Variants in AFF3 observed in about 807,000 individuals in gnomAD.
AFF3 encodes the protein AF4/FMR2 family member 3.
AFF3 carries 32 observed loss-of-function variants against 129.7 expected under a neutral mutation model. That is an observed-to-expected ratio of 0.25 (90% CI 0.19 to 0.33). The LOEUF (loss-of-function observed/expected upper bound fraction) is 0.33, where lower values mean the gene tolerates loss of function less well. AFF3 is among the 10% of genes least tolerant of loss of function. The pLI, the probability that AFF3 is intolerant of heterozygous loss-of-function variation, is 1.00. For missense variants in AFF3, 1,373 were observed against 1,592.0 expected, an observed-to-expected ratio of 0.86 and a Z score of 2.34; for synonymous variants, 644 against 635.4, an observed-to-expected ratio of 1.01 and a Z score of -0.20.
At chr2:99,603,647 A>G (rs1468198477) in intron 13 of AFF3, among the ~76,000 whole-genome samples, 1 of 152,252 alleles carries the variant, frequency 6.6e-6, no homozygotes, top group African/African-American at 2.4e-5. Flanking sequence ...TAATTAAGCT[A>G]AAGAGCTTCT....
chr2:100,136,883 C>T (rs185706975), intron 1 of AFF3, among the ~76,000 whole-genome samples: 36 of 152,176 alleles, frequency 2.4e-4, no homozygotes, highest in African/African-American at 7.5e-4. Flanking sequence ...TGTTTTACAT[C>T]GCTAAGTAGA....
At chr2:99,854,473 A>G (rs1690378807) in intron 7 of AFF3, among the ~76,000 whole-genome samples, 1 of 152,228 alleles carries the variant, frequency 6.6e-6, no homozygotes, top group Admixed American at 6.5e-5. Flanking sequence ...AGTTATAAAT[A>G]AAACAAAGCA....
rs1244501808 is a variant in AFF3, at chr2:100,064,109, AG to A, written c.53+40292del. ...CGTCTCAAAAAAAAAAGAAAAGAAAAGAAAAGAAAAGAAAAGAAAAGAAATT... is the reference window on the plus strand; with the variant it reads ...CGTCTCAAAAAAAAAAGAAAAGAAAAAAAAGAAAAGAAAAGAAAAGAAATT... On this transcript the variant is annotated intron_variant, in intron 4 of 24. Transcript: ENST00000672756. 9.0e-5 allele frequency among the ~76,000 whole-genome samples: 9 copies of A among 100,006 alleles called. No homozygotes were observed. The South Asian group carries it at 3.1e-3, about 34-fold the overall frequency. The allele number at this position is 100,006 out of a possible 152,430, so 65.6% of individuals were successfully genotyped here. A position where few individuals can be genotyped will look rare whatever the true frequency, so the allele number is the denominator to read the frequency against.
chr2:99,645,988 A>G (rs1007179339), intron 13 of AFF3, among the ~76,000 whole-genome samples: 3 of 152,112 alleles, frequency 2.0e-5, no homozygotes, highest in Non-Finnish European at 4.4e-5. Flanking sequence ...GGGAAAGGGA[A>G]ACACACCCCT....
At chr2:99,694,691 A>C (rs1575716892) in intron 11 of AFF3, among the ~76,000 whole-genome samples, 2 of 152,154 alleles carry the variant, frequency 1.3e-5, no homozygotes, top group East Asian at 1.9e-4. Context: ...AAACAAAAAC[A>C]AAAACCCAAC....
At chr2:99,701,667 A>G (rs1676877100) in intron 11 of AFF3, among the ~76,000 whole-genome samples, 1 of 152,254 alleles carries the variant, frequency 6.6e-6, no homozygotes, top group Non-Finnish European at 1.5e-5. Flanking sequence ...TCAGATTTCA[A>G]CAGTTATGCA....
At chr2:99,858,503 A>G (rs1400248279) in intron 7 of AFF3, among the ~76,000 whole-genome samples, 2 of 152,040 alleles carry the variant, frequency 1.3e-5, no homozygotes, top group Non-Finnish European at 2.9e-5. Context: ...GTGAGCCACA[A>G]TCTCCCCACT....
chr2:99,754,976 G>T (rs564644920), intron 8 of AFF3, among the ~76,000 whole-genome samples: 2 of 152,240 alleles, frequency 1.3e-5, no homozygotes, highest in East Asian at 3.9e-4. Context: ...TTCCAGCTAT[G>T]CTTGTAATCA....
At chr2:99,648,907 A>ACTCTCTCT (rs1464965146) in intron 13 of AFF3, among the ~76,000 whole-genome samples, 3 of 39,242 alleles carry the variant, frequency 7.6e-5, no homozygotes, top group Non-Finnish European at 1.2e-4. Context: ...ACACACACAC[A>ACTCTCTCT]CACACACACA....
intron 4 of AFF3, among the ~76,000 whole-genome samples, chr2:100,035,359 G>A (rs1241872754): frequency 3.3e-5 from 5 of 152,206 alleles, no homozygotes; most frequent in Non-Finnish European, 7.3e-5. Flanking sequence ...TACTGTTGGT[G>A]TGCAAGGAGC....
intron 7 of AFF3, among the ~76,000 whole-genome samples, chr2:99,843,346 A>G (rs568450913): frequency 1.3e-5 from 2 of 152,248 alleles, no homozygotes; most frequent in African/African-American, 4.8e-5. Flanking sequence ...TCTGCTCCCA[A>G]TCCCCAAGCT....
chr2:99,711,231 A>G (rs1448386435), intron 11 of AFF3, among the ~76,000 whole-genome samples: 2 of 152,122 alleles, frequency 1.3e-5, no homozygotes, highest in Non-Finnish European at 2.9e-5. Flanking sequence ...GGTGTCTCCA[A>G]GAGGATCTGG....
chr2:99,668,052 G>A (rs533769983), intron 12 of AFF3, among the ~76,000 whole-genome samples: 5 of 152,124 alleles, frequency 3.3e-5, no homozygotes, highest in South Asian at 4.2e-4. Flanking sequence ...CAGCTACTCA[G>A]GAGGCTGAGG....
intron 7 of AFF3, among the ~76,000 whole-genome samples, chr2:99,878,247 A>G (rs1431751441): frequency 2.6e-5 from 4 of 152,148 alleles, no homozygotes; most frequent in Non-Finnish European, 4.4e-5. Context: ...GGTCAATTTG[A>G]CCTTGGAACA....
chr2:99,957,156 T>C (rs1299766626), intron 7 of AFF3, among the ~76,000 whole-genome samples: 1 of 151,544 alleles, frequency 6.6e-6, no homozygotes, highest in Non-Finnish European at 1.5e-5. Flanking sequence ...CGTGTGTGTG[T>C]GTGTGTGCAT....
intron 15 of AFF3, 46 bp from the exon 16 acceptor site, chr2:99,587,324 G>C (rs779733040): frequency 1.9e-6 from 3 of 1,608,072 alleles, no homozygotes; most frequent in Non-Finnish European, 2.6e-6. Context: ...ATTTCAAGAG[G>C]TATTATGAGT....
intron 11 of AFF3, among the ~76,000 whole-genome samples, chr2:99,687,623 CAT>C (rs1675199526): frequency 6.6e-6 from 1 of 151,870 alleles, no homozygotes; most frequent in South Asian, 2.1e-4. Flanking sequence ...GCGAGGGTCT[CAT>C]AAGCAGGGAG....
intron 11 of AFF3, among the ~76,000 whole-genome samples, chr2:99,694,078 C>A (rs755238655): frequency 6.6e-5 from 10 of 151,996 alleles, no homozygotes; most frequent in Non-Finnish European, 1.2e-4. Flanking sequence ...CCACCACACT[C>A]GGCTAATTTT....
intron 4 of AFF3, among the ~76,000 whole-genome samples, chr2:100,039,609 C>T (rs574732424): frequency 6.6e-6 from 1 of 152,094 alleles, no homozygotes; most frequent in Non-Finnish European, 1.5e-5. Context: ...GCCTGTCTCC[C>T]TTATTAGCTC....
Sources: allele counts gnomAD v4.1 joint callset (sites outside exome capture counted in the v4.1 genomes callset), GRCh38; gene constraint gnomAD v4.1.1; transcripts MANE v1.5; gene names NCBI Gene and HGNC (gene_info 2026-07-23, HGNC 2026-07-21).